Variants in SLC25A15 observed in about 807,000 individuals in gnomAD.
The protein encoded by SLC25A15 is mitochondrial ornithine transporter 1.
In SLC25A15, 24 loss-of-function variants were observed where a neutral mutation model predicts 32.3. The observed-to-expected ratio is 0.74, with a 90% CI of 0.54 to 1.04. SLC25A15 has a LOEUF of 1.04. Among genes scored for constraint, SLC25A15 ranks in the 50% least tolerant of loss-of-function variants. SLC25A15 has a pLI of 0.00. For synonymous variants in SLC25A15, 132 were observed against 142.1 expected (o/e 0.93, Z 0.51); for missense variants, 317 against 374.5 (o/e 0.85, Z 1.27).
At chr13:40,798,847 C>T in intron 2 of SLC25A15, 2 of 985,412 alleles carry the variant, frequency 2.0e-6, no homozygotes, top group African/African-American at 3.5e-5. Flanking sequence ...CCCTGCCTGG[C>T]ATGAGCTCCT....
In SLC25A15 at chr13:40,809,836, G is replaced by T; in HGVS notation, c.*169G>T. Reference sequence around the variant, plus strand: ...AACTTTATGGAAGAACCTCTATTTTGCATCATATCATTTCTGTCCATAATT... The same window carrying T: ...AACTTTATGGAAGAACCTCTATTTTTCATCATATCATTTCTGTCCATAATT... On this transcript the variant is annotated 3_prime_UTR_variant, in exon 7 of 7. Coordinates refer to ENST00000338625, the MANE Select transcript of SLC25A15 (RefSeq NM_014252.4). The T allele has an allele frequency of 1.5e-6, 1 of 669,932 alleles. No individual in the cohort carries two copies. Among genetic ancestry groups the T allele is most frequent in the South Asian group, 1.7e-5 (1 of 57,664 alleles). The allele number at this position is 669,932 out of a possible 1,614,324, so 41.5% of individuals were successfully genotyped here.
At chr13:40,803,587 G>A (rs1231495307) in intron 3 of SLC25A15, among the ~76,000 whole-genome samples, 1 of 152,200 alleles carries the variant, frequency 6.6e-6, no homozygotes, top group Non-Finnish European at 1.5e-5. Flanking sequence ...GAATGCTTCT[G>A]TTTTGTATTT....
chr13:40,795,999 TGGAGG>T (rs1304874339), intron 2 of SLC25A15, among the ~76,000 whole-genome samples: 1 of 152,148 alleles, frequency 6.6e-6, no homozygotes, highest in Non-Finnish European at 1.5e-5. Context: ...TGCAGCACAC[TGGAGG>T]GGAGGGTTAG....
At chr13:40,805,936 T>A (rs986589395) in intron 4 of SLC25A15, among the ~76,000 whole-genome samples, 1 of 152,232 alleles carries the variant, frequency 6.6e-6, no homozygotes, top group African/African-American at 2.4e-5. Flanking sequence ...CTTGCTTACT[T>A]ATCTTGACAT....
intron 5 of SLC25A15, 35 bp from the exon 6 acceptor site, chr13:40,808,403 G>A: frequency 6.2e-7 from 1 of 1,600,070 alleles, no homozygotes; most frequent in South Asian, 1.1e-5. Context: ...CTGTTCTTGA[G>A]ACAAAATACC....
intron 6 of SLC25A15, among the ~76,000 whole-genome samples, chr13:40,808,932 CAA>C (rs58015661): frequency 0.09 from 7,058 of 78,580 alleles, 385 homozygotes; most frequent in East Asian, 0.43. Flanking sequence ...GACTCTGTCT[CAA>C]AAAAAAAAAA....
chr13:40,805,069 C>T (rs373177873), intron 3 of SLC25A15, 49 bp from the exon 4 acceptor site: 6 of 1,612,074 alleles, frequency 3.7e-6, no homozygotes, highest in African/African-American at 1.3e-5. Flanking sequence ...TGGTGAGTGC[C>T]AAAGGAATGA....
rs941265116 is a variant in SLC25A15 at position 40,804,590 on chromosome 13, A to G, written c.315-528A>G. ...GGAGTCTCACTCTGTTGCCCAGGCT[A>G]GAGTACAGTGGCACAATCTCAGGTC... is the stretch of plus-strand genomic sequence containing the variant. On this transcript the variant is annotated intron_variant, in intron 3 of 6. Coordinates refer to ENST00000338625, the MANE Select transcript of SLC25A15 (RefSeq NM_014252.4). 9.4e-5 allele frequency among the ~76,000 whole-genome samples: 14 copies of G among 148,776 alleles called. 1 individual carries two copies. Among genetic ancestry groups the G allele is most frequent in the East Asian group, 2.0e-4 (1 of 5,048 alleles).
At chr13:40,801,849 T>C (rs1334941325) in intron 3 of SLC25A15, among the ~76,000 whole-genome samples, 2 of 152,164 alleles carry the variant, frequency 1.3e-5, no homozygotes. Context: ...TATTACTGTT[T>C]CAATTCCAGT....
chr13:40,797,751 C>A (rs1264372624), intron 2 of SLC25A15, among the ~76,000 whole-genome samples: 1 of 152,146 alleles, frequency 6.6e-6, no homozygotes, highest in African/African-American at 2.4e-5. Context: ...CTCCACTTTC[C>A]AGAGTTTAGA....
At chr13:40,791,106 G>A (rs1385434761) in intron 1 of SLC25A15, among the ~76,000 whole-genome samples, 1 of 151,770 alleles carries the variant, frequency 6.6e-6, no homozygotes, top group Non-Finnish European at 1.5e-5. Flanking sequence ...CAAAAATATA[G>A]GGTTGGGTGT....
At chr13:40,798,431 G>T (rs1451918342) in intron 2 of SLC25A15, among the ~76,000 whole-genome samples, 1 of 152,126 alleles carries the variant, frequency 6.6e-6, no homozygotes, top group Non-Finnish European at 1.5e-5. Flanking sequence ...AATTAAAGAG[G>T]TTTTTCTATA....
Position 40,794,992 on chromosome 13 carries a change from G to A in SLC25A15, c.55+1711G>A, listed in dbSNP as rs1396783166. The stretch of plus-strand genomic sequence containing the variant: ...GCCTAATGAGGAGCACTGGGCAAGG[G>A]CACTTCTCCCAGGGCAGAACCCACA... On this transcript the variant is annotated intron_variant, in intron 2 of 6. Coordinates refer to ENST00000338625, the MANE Select transcript of SLC25A15 (RefSeq NM_014252.4). 2.0e-5 allele frequency among the ~76,000 whole-genome samples: 3 copies of A among 152,186 alleles called. No individual in the cohort carries two copies. In the South Asian group the frequency reaches 6.2e-4, roughly 32 times the overall value.
intron 1 of SLC25A15, among the ~76,000 whole-genome samples, chr13:40,792,584 G>C (rs954220035): frequency 1.6e-4 from 25 of 152,216 alleles, no homozygotes; most frequent in African/African-American, 5.6e-4. Flanking sequence ...ATTTGTGACT[G>C]TGTTTGTTTT....
intron 5 of SLC25A15, among the ~76,000 whole-genome samples, 155 bp downstream of exon 5, chr13:40,807,618 G>A (rs1287857614): frequency 6.6e-6 from 1 of 152,158 alleles, no homozygotes; most frequent in Non-Finnish European, 1.5e-5. Context: ...GTAACATGGT[G>A]GCAGGCAGTT....
At chr13:40,804,434 G>A (rs1882057506) in intron 3 of SLC25A15, among the ~76,000 whole-genome samples, 1 of 152,166 alleles carries the variant, frequency 6.6e-6, no homozygotes. Flanking sequence ...GCCACATTAT[G>A]TCATCTCTAA....
At chr13:40,804,871 T>A (rs1215082055) in intron 3 of SLC25A15, among the ~76,000 whole-genome samples, 1 of 152,030 alleles carries the variant, frequency 6.6e-6, no homozygotes, top group Non-Finnish European at 1.5e-5. Flanking sequence ...TTTTTAGACA[T>A]GGAGGTCTCT....
At chr13:40,795,568 AC>A (rs1219789157) in intron 2 of SLC25A15, among the ~76,000 whole-genome samples, 1 of 152,172 alleles carries the variant, frequency 6.6e-6, no homozygotes, top group Admixed American at 6.5e-5. Context: ...TGCTGGCGAC[AC>A]AGGGACGCCC....
intron 3 of SLC25A15, among the ~76,000 whole-genome samples, chr13:40,803,082 A>G (rs973373519): frequency 1.3e-5 from 2 of 151,742 alleles, no homozygotes; most frequent in Non-Finnish European, 1.5e-5. Flanking sequence ...GGATTGTCCT[A>G]CCCCCAAATG....
Sources: gnomAD v4.1 joint callset for allele counts (sites outside exome capture counted in the v4.1 genomes callset) on GRCh38, gnomAD v4.1.1 for gene constraint, MANE v1.5 for transcripts, NCBI Gene and HGNC (gene_info 2026-07-23, HGNC 2026-07-21) for gene names.